The following CCDC32 variants were observed in gnomAD, a reference collection of about 807,000 sequenced individuals.
CCDC32 encodes the protein coiled-coil domain-containing protein 32.
In CCDC32, 9 loss-of-function variants were observed where a neutral mutation model predicts 20.1. That is an observed-to-expected ratio of 0.45 (90% CI 0.27 to 0.78). CCDC32 has a LOEUF of 0.78. Among genes scored for constraint, CCDC32 ranks in the 30% least tolerant of loss-of-function variants. The probability of loss-of-function intolerance (pLI) is 0.16; values close to 1 mark genes in which losing one functional copy is unlikely to be tolerated. For synonymous variants in CCDC32, 63 were observed against 79.0 expected (o/e 0.80, Z 1.07); for missense variants, 204 against 215.5 (o/e 0.95, Z 0.33).
intron 3 of CCDC32, among the ~76,000 whole-genome samples, chr15:40,539,880 A>ACACACACACACACACC (rs769226221): frequency 9.3e-5 from 13 of 139,140 alleles, no homozygotes; most frequent in East Asian, 6.1e-4. Context: ...ACACACACAC[A>ACACACACACACACACC]CCCCGCTCCT....
downstream of CCDC32, chr15:40,532,350 T>C (rs1888908428): frequency 1.4e-6 from 1 of 701,306 alleles, no homozygotes; most frequent in African/African-American, 1.7e-5. Context: ...AGGCTCCATT[T>C]TGGATTGAAG....
the CCDC32 span, among the ~76,000 whole-genome samples, chr15:40,522,939 G>T: frequency 6.7e-6 from 1 of 149,238 alleles, no homozygotes. Flanking sequence ...CGATTCTCCC[G>T]CCTCAACCTC....
downstream of CCDC32, among the ~76,000 whole-genome samples, chr15:40,548,450 A>G (rs1445746149): frequency 1.3e-5 from 2 of 152,226 alleles, no homozygotes; most frequent in African/African-American, 4.8e-5. Flanking sequence ...AGCTTAGCTT[A>G]TGGTGCATTG....
At chr15:40,549,397 C>T (rs1215598589), downstream of CCDC32, among the ~76,000 whole-genome samples, 1 of 152,212 alleles carries the variant, frequency 6.6e-6, no homozygotes, top group Non-Finnish European at 1.5e-5. Context: ...CAGGACTCCT[C>T]TTGGTCCCCA....
downstream of CCDC32, among the ~76,000 whole-genome samples, chr15:40,526,472 C>T (rs1894901701): frequency 6.6e-6 from 1 of 152,152 alleles, no homozygotes; most frequent in African/African-American, 2.4e-5. Context: ...TTCACAACTC[C>T]AGAATTTAAC....
chr15:40,549,423 A>G (rs1889750416), downstream of CCDC32, among the ~76,000 whole-genome samples: 1 of 151,498 alleles, frequency 6.6e-6, no homozygotes, highest in African/African-American at 2.4e-5. Flanking sequence ...TTACTCTTCT[A>G]TTTCCTCTCA....
chr15:40,528,606 A>G (rs7164166), downstream of CCDC32: 545,920 of 603,166 alleles, frequency 0.91, 248,261 homozygotes, highest in Non-Finnish European at 0.93. Context: ...AGGGGAAGAC[A>G]CCAGGTCTGG....
At chr15:40,546,041 G>A (rs1889604321) in intron 3 of CCDC32, among the ~76,000 whole-genome samples, 1 of 151,990 alleles carries the variant, frequency 6.6e-6, no homozygotes, top group African/African-American at 2.4e-5. Flanking sequence ...GTTTCTCTTT[G>A]TGTTTTAGTT....
intron 3 of CCDC32, chr15:40,528,938 G>A (rs1894934783): frequency 1.0e-5 from 6 of 578,240 alleles, no homozygotes; most frequent in South Asian, 4.5e-5. Context: ...GGTATTCAGC[G>A]CTCAGCATTC....
At chr15:40,563,701 C>T (rs976639401) in intron 1 of CCDC32, among the ~76,000 whole-genome samples, 1 of 87,568 alleles carries the variant, frequency 1.1e-5, no homozygotes, top group East Asian at 2.4e-4. Flanking sequence ...CACACACACA[C>T]ACACACAAAT....
At chr15:40,560,877 CA>C (rs1378978234) in intron 2 of CCDC32, among the ~76,000 whole-genome samples, 1 of 152,044 alleles carries the variant, frequency 6.6e-6, no homozygotes, top group Non-Finnish European at 1.5e-5. Flanking sequence ...GGTGTTTACC[CA>C]AAGGAAAAGA....
At chr15:40,563,118 T>TG in intron 1 of CCDC32, 91 bp from the exon 2 acceptor site, 3 of 1,434,210 alleles carry the variant, frequency 2.1e-6, no homozygotes, top group South Asian at 1.3e-5. Context: ...ATCCCAACAC[T>TG]TTGGGAAGCC....
At chr15:40,552,862 A>AT (rs944634446), downstream of CCDC32, 15 of 149,108 alleles carry the variant, frequency 1.0e-4, no homozygotes, top group Admixed American at 3.4e-4. Flanking sequence ...CGATCGGAAG[A>AT]TTTTTACAGC....
At chr15:40,532,714 CTTTTTTTTTTTTTT>C (rs1189285245), downstream of CCDC32, among the ~76,000 whole-genome samples, 3 of 91,466 alleles carry the variant, frequency 3.3e-5, no homozygotes, top group East Asian at 3.7e-4. Flanking sequence ...TGTTTTCTTT[CTTTTTTTTTTTTTT>C]TTTTTTTTTT....
At chr15:40,563,805 T>G (rs1022095849) in intron 1 of CCDC32, among the ~76,000 whole-genome samples, 1 of 141,456 alleles carries the variant, frequency 7.1e-6, no homozygotes, top group Non-Finnish European at 1.5e-5. Context: ...TTAAATTCTG[T>G]TTTTTTTTCT....
intron 3 of CCDC32, among the ~76,000 whole-genome samples, chr15:40,540,534 AT>A (rs1167435979): frequency 4.6e-5 from 7 of 151,242 alleles, no homozygotes; most frequent in Non-Finnish European, 1.0e-4. Context: ...TGCCTGGGTA[AT>A]TTTTTGTATT....
At position 40,553,222 on chromosome 15, in the gene CCDC32, G is replaced by C; in HGVS notation, c.*749C>G. 2 of 985,452 alleles carry C rather than the reference G, an allele frequency of 2.0e-6. No individual in the cohort carries two copies. The highest frequency in any genetic ancestry group is 2.4e-6 in the Non-Finnish European group (2 of 829,942). 61.0% of individuals were successfully genotyped at this position (985,452 alleles called of 1,614,324 possible). Reference sequence around the variant, plus strand: ...AGATGTTTGGAACTATCCAGGAGTAGTGTCAAACACTAACACCATATTTAC... The same window carrying C: ...AGATGTTTGGAACTATCCAGGAGTACTGTCAAACACTAACACCATATTTAC... On this transcript the variant is annotated 3_prime_UTR_variant, in exon 4 of 4. Coordinates refer to ENST00000416810, the MANE Select transcript of CCDC32 (RefSeq NM_001080792.4).
chr15:40,530,013 C>T (rs889978359), downstream of CCDC32, among the ~76,000 whole-genome samples: 2 of 151,030 alleles, frequency 1.3e-5, 1 homozygote, highest in Non-Finnish European at 3.0e-5. Context: ...GACCTCAGGC[C>T]GGGCGTGATG....
chr15:40,561,333 C>T (rs926357079), intron 2 of CCDC32, among the ~76,000 whole-genome samples: 1 of 151,966 alleles, frequency 6.6e-6, no homozygotes, highest in Admixed American at 6.6e-5. Flanking sequence ...ATGAGCCAGG[C>T]GTGGTGGTGG....
Sources: allele counts gnomAD v4.1 joint callset (sites outside exome capture counted in the v4.1 genomes callset), GRCh38; gene constraint gnomAD v4.1.1; transcripts MANE v1.5; gene names NCBI Gene and HGNC (gene_info 2026-07-23, HGNC 2026-07-21).